KCNAB1: variants seen among roughly 807,000 people sequenced by gnomAD.
The protein encoded by KCNAB1 is voltage-gated potassium channel subunit beta-1.
A neutral mutation model predicts 64.6 loss-of-function variants in KCNAB1; 35 were observed. That is an observed-to-expected ratio of 0.54 (90% confidence interval 0.41 to 0.72). KCNAB1 has a LOEUF of 0.72. KCNAB1 is among the 30% of genes least tolerant of loss of function. KCNAB1 has a pLI of 0.00. For synonymous variants in KCNAB1, 177 were observed against 183.8 expected, an observed-to-expected ratio of 0.96 and a Z score of 0.30; for missense variants, 401 against 512.9, an observed-to-expected ratio of 0.78 and a Z score of 2.11.
At chr3:156,381,618 G>A (rs185505783) in intron 1 of KCNAB1, among the ~76,000 whole-genome samples, 167 of 152,292 alleles carry the variant, frequency 1.1e-3, no homozygotes, top group Non-Finnish European at 1.9e-3. Context: ...CTAAATCAGT[G>A]GACATTTTGA....
intron 1 of KCNAB1, among the ~76,000 whole-genome samples, chr3:156,175,346 C>A (rs1462450645): frequency 6.6e-6 from 1 of 152,176 alleles, no homozygotes; most frequent in Admixed American, 6.5e-5. Flanking sequence ...GAAGGCCGGG[C>A]ACGGTGGCTC....
chr3:156,154,019 CAT>C (rs936278236), intron 1 of KCNAB1, among the ~76,000 whole-genome samples: 7 of 152,304 alleles, frequency 4.6e-5, no homozygotes, highest in African/African-American at 1.7e-4. Flanking sequence ...CTCTAAGTAA[CAT>C]AGATTTCTCA....
At chr3:156,230,926 T>C (rs1716483743) in intron 1 of KCNAB1, among the ~76,000 whole-genome samples, 1 of 152,248 alleles carries the variant, frequency 6.6e-6, no homozygotes, top group South Asian at 2.1e-4. Flanking sequence ...GAGGATCTGT[T>C]GGGAGAAACA....
Position 156,346,745 on chromosome 3 carries a change from C to G in KCNAB1, c.276-74871C>G, listed in dbSNP as rs1724507527. The stretch of plus-strand genomic sequence containing the variant: ...CAATAATCATAAAAAATTAAGTAGT[C>G]AAATATGGAAGCATCTAGGAAAAAT... On this transcript the variant is annotated intron_variant, in intron 1 of 13. Transcript: ENST00000490337. Among the ~76,000 whole-genome samples the G allele has an allele frequency of 3.3e-5, 5 of 152,198 alleles. 1 individual carries two copies. The East Asian group carries it at 7.7e-4, about 24-fold the overall frequency.
chr3:156,295,081 GCAAA>G (rs1007968171), intron 1 of KCNAB1, among the ~76,000 whole-genome samples: 125 of 152,170 alleles, frequency 8.2e-4, no homozygotes, highest in African/African-American at 2.3e-3. Flanking sequence ...AAACAAACAA[GCAAA>G]CAAACAAATA....
Position 156,365,506 on chromosome 3 carries a change from G to A in KCNAB1, c.276-56110G>A, listed in dbSNP as rs372117720. Among the ~76,000 whole-genome samples the A allele has an allele frequency of 5.9e-4, 90 of 152,060 alleles. 1 individual carries two copies. Among genetic ancestry groups the A allele is most frequent in the South Asian group, 2.1e-4 (1 of 4,818 alleles). ...TGCCTCCAAATTCTCCTAGCTTGTT[G>A]CACCCCCTTTCCAGTGTTTGCTCTT... On this transcript the variant is annotated intron_variant, in intron 1 of 13. Transcript: ENST00000490337.
chr3:156,440,112 A>G (rs1325381939), intron 2 of KCNAB1, among the ~76,000 whole-genome samples: 1 of 152,234 alleles, frequency 6.6e-6, no homozygotes, highest in African/African-American at 2.4e-5. Context: ...TCATAAGCAC[A>G]TCCTCTATGC....
intron 1 of KCNAB1, among the ~76,000 whole-genome samples, chr3:156,137,836 G>A (rs563554645): frequency 8.6e-5 from 13 of 151,820 alleles, no homozygotes; most frequent in African/African-American, 2.4e-4. Flanking sequence ...GATTACAGGC[G>A]TGAGCCACTG....
chr3:156,352,751 G>A (rs1254152269), intron 1 of KCNAB1, among the ~76,000 whole-genome samples: 1 of 152,172 alleles, frequency 6.6e-6, no homozygotes, highest in African/African-American at 2.4e-5. Flanking sequence ...TGAGCAGCCT[G>A]GAAAGGAAAG....
chr3:156,375,413 G>C (rs1383439099), intron 1 of KCNAB1, among the ~76,000 whole-genome samples: 1 of 135,080 alleles, frequency 7.4e-6, no homozygotes, highest in Non-Finnish European at 1.5e-5. Context: ...GAAGTTTAAC[G>C]ACATTCCTGA....
At chr3:156,324,266 G>A (rs985433163) in intron 1 of KCNAB1, among the ~76,000 whole-genome samples, 2 of 152,022 alleles carry the variant, frequency 1.3e-5, no homozygotes, top group African/African-American at 4.8e-5. Flanking sequence ...CCTGTCCTTG[G>A]CAACAGTTTG....
intron 1 of KCNAB1, among the ~76,000 whole-genome samples, chr3:156,131,825 T>C (rs1714015987): frequency 1.3e-5 from 2 of 152,214 alleles, no homozygotes; most frequent in African/African-American, 4.8e-5. Context: ...CTTGGGCTGA[T>C]GAAAATTCTG....
At chr3:156,413,504 C>T (rs1183777780) in intron 1 of KCNAB1, among the ~76,000 whole-genome samples, 1 of 152,170 alleles carries the variant, frequency 6.6e-6, no homozygotes, top group Non-Finnish European at 1.5e-5. Flanking sequence ...CTCACAACAA[C>T]CCTATGAAGT....
rs536296324 is a variant in KCNAB1 at position 156,351,477 on chromosome 3, A to G, written c.276-70139A>G. On this transcript the variant is annotated intron_variant, in intron 1 of 13. Coordinates refer to ENST00000490337, the MANE Select transcript of KCNAB1 (RefSeq NM_172160.3). ...ATTAAGGCTCCAGTTCCTCTAATTT[A>G]GTGCTTACTATCCAGTTGTTCATTG... Among the ~76,000 whole-genome samples the G allele has an allele frequency of 3.0e-4, 45 of 152,368 alleles. 1 individual carries two copies. In the South Asian group the frequency reaches 9.3e-3, roughly 32 times the overall value.
rs575716848 is a variant in KCNAB1, at chr3:156,275,960, T to G, written c.276-145656T>G. 1.0e-4 allele frequency among the ~76,000 whole-genome samples: 15 copies of G among 149,382 alleles called. No homozygotes were observed. In the South Asian group the frequency reaches 2.8e-3, roughly 27 times the overall value. ...TCTTAATGGCATCTAGAATGGTGAG[T>G]TTTTTTTTTCAAGAAGGTTTTAAGT... is the stretch of plus-strand genomic sequence containing the variant. On this transcript the variant is annotated intron_variant, in intron 1 of 13. Coordinates refer to ENST00000490337, the MANE Select transcript of KCNAB1 (RefSeq NM_172160.3).
At chr3:156,123,821 A>T (rs1202431293) in intron 1 of KCNAB1, among the ~76,000 whole-genome samples, 4 of 152,214 alleles carry the variant, frequency 2.6e-5, no homozygotes, top group African/African-American at 9.6e-5. Flanking sequence ...TTTTAAAAAA[A>T]GTATTGTTTT....
intron 1 of KCNAB1, among the ~76,000 whole-genome samples, chr3:156,379,190 T>C (rs774301437): frequency 6.6e-6 from 1 of 152,220 alleles, no homozygotes; most frequent in Non-Finnish European, 1.5e-5. Context: ...CCTGTCTGTT[T>C]CTGAGCTTGG....
chr3:156,181,859 C>G (rs534085446), intron 1 of KCNAB1, among the ~76,000 whole-genome samples: 16 of 152,158 alleles, frequency 1.1e-4, no homozygotes, highest in African/African-American at 3.9e-4. Context: ...TAGGACATGT[C>G]AAGCTTGATG....
intron 2 of KCNAB1, among the ~76,000 whole-genome samples, chr3:156,425,484 G>T (rs1272068637): frequency 6.6e-6 from 1 of 152,176 alleles, no homozygotes; most frequent in Non-Finnish European, 1.5e-5. Context: ...CCTGTGGGTT[G>T]CTGTGGCTTG....
Sources: allele counts gnomAD v4.1 joint callset (sites outside exome capture counted in the v4.1 genomes callset), GRCh38; gene constraint gnomAD v4.1.1; transcripts MANE v1.5; gene names NCBI Gene and HGNC (gene_info 2026-07-23, HGNC 2026-07-21).